Variants in CALCRL observed in about 807,000 individuals in gnomAD.
The protein encoded by CALCRL is calcitonin receptor like receptor.
A neutral mutation model predicts 60.4 loss-of-function variants in CALCRL; 27 were observed. That is an observed-to-expected ratio of 0.45 (90% CI 0.33 to 0.62). The LOEUF is 0.62. Ranked by LOEUF, CALCRL falls within the 20% of genes least tolerant of loss-of-function variation. The pLI is 0.03. For missense variants in CALCRL, 424 were observed against 540.7 expected (o/e 0.78, Z 2.14); for synonymous variants, 190 against 182.6 (o/e 1.04, Z -0.33).
intron 1 of CALCRL, among the ~76,000 whole-genome samples, chr2:187,439,069 G>A (rs967655680): frequency 1.3e-5 from 2 of 152,218 alleles, no homozygotes; most frequent in Admixed American, 6.5e-5. Context: ...TTAGTAAACA[G>A]TTTTGGGGCA....
intron 10 of CALCRL, among the ~76,000 whole-genome samples, chr2:187,360,183 A>G (rs1200749766): frequency 6.6e-6 from 1 of 152,104 alleles, no homozygotes; most frequent in Non-Finnish European, 1.5e-5. Flanking sequence ...GTAAAATGAC[A>G]ATATTTTAAA....
At chr2:187,393,226 G>A (rs1245830562) in intron 1 of CALCRL, among the ~76,000 whole-genome samples, 3 of 152,054 alleles carry the variant, frequency 2.0e-5, no homozygotes, top group African/African-American at 7.2e-5. Flanking sequence ...AGGACGCTCT[G>A]GAACAGAACC....
chr2:187,372,135 C>T (rs1687552751), intron 8 of CALCRL, among the ~76,000 whole-genome samples: 2 of 151,036 alleles, frequency 1.3e-5, no homozygotes, highest in African/African-American at 4.8e-5. Context: ...CAAAGACGTT[C>T]TTTAAAAAAA....
intron 8 of CALCRL, among the ~76,000 whole-genome samples, chr2:187,372,042 C>T (rs767209579): frequency 1.3e-5 from 2 of 151,978 alleles, no homozygotes; most frequent in Admixed American, 1.3e-4. Context: ...ATGGCAAGTA[C>T]CTACAAAAGA....
rs2105789764 is a variant in CALCRL, at chr2:187,385,395, A to G, written c.51+150T>C. 3 of 560,166 alleles carry G rather than the reference A, an allele frequency of 5.4e-6. No homozygotes were observed. In the East Asian group the frequency reaches 9.1e-5, roughly 17 times the overall value. 34.7% of individuals were successfully genotyped at this position (560,166 alleles called of 1,614,324 possible). On this transcript the variant is annotated intron_variant, in intron 4 of 14. Transcript: ENST00000392370. ...CTATACCTGTTATAGGACTAAAAGCATACACCGAATGAAAACACATTATTG... is the reference window on the plus strand; with the variant it reads ...CTATACCTGTTATAGGACTAAAAGCGTACACCGAATGAAAACACATTATTG...
chr2:187,416,438 G>A (rs1261575049), intron 1 of CALCRL, among the ~76,000 whole-genome samples: 1 of 152,054 alleles, frequency 6.6e-6, no homozygotes, highest in Non-Finnish European at 1.5e-5. Flanking sequence ...ATAGATACAA[G>A]AGTGGCCCTG....
intron 12 of CALCRL, among the ~76,000 whole-genome samples, chr2:187,354,966 A>G (rs1686706508): frequency 6.6e-6 from 1 of 152,064 alleles, no homozygotes; most frequent in South Asian, 2.1e-4. Flanking sequence ...TGGGTAGCCC[A>G]AACGATATAT....
chr2:187,356,671 TA>T (rs577219614), intron 12 of CALCRL, among the ~76,000 whole-genome samples: 108 of 152,252 alleles, frequency 7.1e-4, no homozygotes, highest in African/African-American at 2.5e-3. Flanking sequence ...CTAATTAAAC[TA>T]AAGAGCTTCT....
rs1027827179 is a variant in CALCRL at position 187,426,240 on chromosome 2, TTA to T, written c.-293+21797_-293+21798del. Among the ~76,000 whole-genome samples, 53 of 127,566 alleles carry T rather than the reference TTA, an allele frequency of 4.2e-4. 1 individual carries two copies. In the South Asian group the frequency reaches 0.011, roughly 27 times the overall value. The allele number at this position is 127,566 out of a possible 152,430, so 83.7% of individuals were successfully genotyped here. On this transcript the variant is annotated intron_variant, in intron 1 of 14. Coordinates refer to ENST00000392370, the MANE Select transcript of CALCRL (RefSeq NM_005795.6). ...GTGAAGTTATGGTGTCTGTCATTTA[TTA>T]TTTTTTTTTTTTGCAGACGTGTGCA...
At chr2:187,370,738 T>C (rs553678514) in intron 8 of CALCRL, among the ~76,000 whole-genome samples, 1 of 152,330 alleles carries the variant, frequency 6.6e-6, no homozygotes, top group East Asian at 1.9e-4. Context: ...CCATTACTTC[T>C]TGCACTACTC....
chr2:187,407,092 C>T (rs10931289), intron 1 of CALCRL, among the ~76,000 whole-genome samples: 1 of 151,766 alleles, frequency 6.6e-6, no homozygotes, highest in Non-Finnish European at 1.5e-5. Flanking sequence ...GATAAAGTTA[C>T]GTCTGTTTTT....
At chr2:187,429,030 C>T (rs1283703588) in intron 1 of CALCRL, 1 of 151,690 alleles carries the variant, frequency 6.6e-6, no homozygotes, top group Non-Finnish European at 1.5e-5. Flanking sequence ...AAAAATTGAT[C>T]TATTAAATGA....
chr2:187,402,285 ATACTTAAAACTT>A (rs1688921580), intron 1 of CALCRL, among the ~76,000 whole-genome samples: 1 of 151,766 alleles, frequency 6.6e-6, no homozygotes, highest in South Asian at 2.1e-4. Context: ...GTTTTCAGAG[ATACTTAAAACTT>A]TGTAGGAGTA....
chr2:187,366,499 T>C (rs1419775400), intron 8 of CALCRL, among the ~76,000 whole-genome samples: 1 of 152,016 alleles, frequency 6.6e-6, no homozygotes, highest in African/African-American at 2.4e-5. Context: ...GTATTGTAGA[T>C]TTCTAAACAT....
chr2:187,432,345 T>C (rs1690440771), intron 1 of CALCRL, among the ~76,000 whole-genome samples: 1 of 152,140 alleles, frequency 6.6e-6, no homozygotes, highest in South Asian at 2.1e-4. Flanking sequence ...CAGAATTGCA[T>C]TTTGTGAATT....
intron 12 of CALCRL, among the ~76,000 whole-genome samples, chr2:187,353,851 ATT>A (rs1246377458): frequency 1.3e-5 from 2 of 152,010 alleles, no homozygotes; most frequent in Admixed American, 6.6e-5. Flanking sequence ...AAACATTGCA[ATT>A]TAGATGATCC....
intron 14 of CALCRL, among the ~76,000 whole-genome samples, chr2:187,349,894 T>C (rs1376312603): frequency 6.6e-6 from 1 of 151,646 alleles, no homozygotes; most frequent in African/African-American, 2.4e-5. Context: ...AAATAAGTGA[T>C]TTGACAAATC....
intron 1 of CALCRL, among the ~76,000 whole-genome samples, chr2:187,391,547 G>T (rs991922497): frequency 1.3e-5 from 2 of 152,080 alleles, no homozygotes; most frequent in African/African-American, 4.8e-5. Context: ...AAGTAAATTT[G>T]TAATCATATT....
At chr2:187,399,349 G>A (rs1197807578) in intron 1 of CALCRL, among the ~76,000 whole-genome samples, 1 of 151,324 alleles carries the variant, frequency 6.6e-6, no homozygotes, top group Non-Finnish European at 1.5e-5. Context: ...CAACTAATAT[G>A]TACCTATGGC....
Sources: allele counts gnomAD v4.1 joint callset (sites outside exome capture counted in the v4.1 genomes callset), GRCh38; gene constraint gnomAD v4.1.1; transcripts MANE v1.5; gene names NCBI Gene and HGNC (gene_info 2026-07-23, HGNC 2026-07-21).